Variants in MAPK15 observed in about 807,000 individuals in gnomAD.
MAPK15 encodes mitogen-activated protein kinase 15.
Under a neutral mutation model 60.8 loss-of-function variants are expected in MAPK15, and 61 were observed. The observed-to-expected ratio is 1.00, with a 90% CI of 0.82 to 1.24. The LOEUF is 1.24. MAPK15 is among the 50% of genes most tolerant of loss of function. The pLI, the probability that MAPK15 is intolerant of heterozygous loss-of-function variation, is 0.00. For synonymous variants in MAPK15, 356 were observed against 319.9 expected, an observed-to-expected ratio of 1.11 and a Z score of -1.21; for missense variants, 808 against 741.1, an observed-to-expected ratio of 1.09 and a Z score of -1.05.
chr8:143,721,865 G>A lies in MAPK15; in HGVS notation c.1443G>A (p.Val481=), dbSNP rs377362468. 4 of 1,595,910 alleles carry A rather than the reference G, an allele frequency of 2.5e-6. No homozygotes were observed. The highest frequency in any genetic ancestry group is 3.4e-6 in the Non-Finnish European group (4 of 1,172,272). ...GGAACCGGGGCGGTGGGGTGAGGGT[G>A]GCCAGCGTACAACAGGTAAGCCCGG... ...GDWNRGGGVR[V]ASVQQVPPRL... The change falls in exon 13 of 14, where the codon GTG becomes GTA. Residue 481 remains valine, a synonymous_variant. Coordinates refer to ENST00000338033, the MANE Select transcript of MAPK15 (RefSeq NM_139021.3).
intron 4 of MAPK15, 148 bp from the exon 5 acceptor site, chr8:143,718,627 A>G (rs1386629483): frequency 1.2e-5 from 8 of 687,232 alleles, no homozygotes; most frequent in Non-Finnish European, 2.0e-5. Context: ...CGCTGTGCCC[A>G]CAGGCAGTGC....
chr8:143,720,591 G>C lies in MAPK15; in HGVS notation c.780-112G>C. On this transcript the variant is annotated intron_variant, in intron 8 of 13. Transcript: ENST00000338033. This position sits in a 1 kb window ranked among gnomAD's most constrained non-coding sequence, Gnocchi z 4.6. ...GGTCAGGCACAGGGGCATCTACCTA[G>C]ACAGGACAGCAGGGTGGACCCCAGT... 1 of 1,504,376 alleles carries C rather than the reference G, an allele frequency of 6.6e-7. No homozygotes were observed. Among genetic ancestry groups the C allele is most frequent in the Non-Finnish European group, 8.9e-7 (1 of 1,122,560 alleles). The allele number at this position is 1,504,376 out of a possible 1,614,324, so 93.2% of individuals were successfully genotyped here. A position where few individuals can be genotyped will look rare whatever the true frequency, so the allele number is the denominator to read the frequency against.
chr8:143,720,643 C>T lies in MAPK15; in HGVS notation c.780-60C>T, dbSNP rs1460234546. ...TGGAAGCTGAGCCCCCAGCCACGAA[C>T]ATGGATCTGAGGAGGGGCCCTTGGG... is the stretch of plus-strand genomic sequence containing the variant. On this transcript the variant is annotated intron_variant, in intron 8 of 13. Coordinates refer to ENST00000338033, the MANE Select transcript of MAPK15 (RefSeq NM_139021.3). The surrounding 1 kb of genome is among the most constrained non-coding windows in gnomAD (Gnocchi z 4.6). 1.3e-5 allele frequency: 20 copies of T among 1,562,338 alleles called. No homozygotes were observed. The highest frequency in any genetic ancestry group is 1.9e-5 in the Admixed American group (1 of 51,324).
At chr8:143,719,184 C>A (rs1554619212) in intron 6 of MAPK15, 28 bp downstream of exon 6, 1 of 1,424,364 alleles carries the variant, frequency 7.0e-7, no homozygotes, top group African/African-American at 1.4e-5. Flanking sequence ...CCAACCCCCC[C>A]TCCACCTCCC....
At chr8:143,718,735 A>ACCCCCCCCCCCCCC in intron 4 of MAPK15, 40 bp from the exon 5 acceptor site, 1 of 110,032 alleles carries the variant, frequency 9.1e-6, no homozygotes, top group Non-Finnish European at 1.5e-5. Flanking sequence ...TTGCCCCCCC[A>ACCCCCCCCCCCCCC]GCCCCCCACC....
At position 143,722,084 on chromosome 8, in the gene MAPK15, C is replaced by T. The variant is rs782706794; in HGVS notation, c.1468C>T (p.Arg490Trp). The T allele has an allele frequency of 6.2e-5, 100 of 1,612,026 alleles. 1 individual carries two copies. In the Admixed American group the frequency reaches 1.2e-3, roughly 20 times the overall value. ...CCTCAACTGTACACAGGTCCCTCCC[C>T]GGCTTCCTCCGGAGGCCCGGCCCGG... ...RVASVQQVPP[R>W]LPPEARPGRR... Residue 490 changes from arginine to tryptophan, a missense_variant, in exon 14 of 14, where the codon CGG (arginine) becomes TGG (tryptophan). Arg to Trp is a moderately radical substitution (Grantham distance 101, BLOSUM62 -3). Coordinates refer to ENST00000338033, the MANE Select transcript of MAPK15 (RefSeq NM_139021.3).
chr8:143,718,264 A>G lies in MAPK15; in HGVS notation c.248A>G (p.Glu83Gly), dbSNP rs782709774. 1.2e-6 allele frequency: 2 copies of G among 1,614,160 alleles called. No individual in the cohort carries two copies. Among genetic ancestry groups the G allele is most frequent in the Non-Finnish European group, 1.7e-6 (2 of 1,180,030 alleles). ...AGCCTCCTTGACGTGATCCGGGCAG[A>G]GAACGACAGGGACATTTACCTGGTG... ...IISLLDVIRAENDRDIYLVFE... is the reference protein window; with the variant it reads ...IISLLDVIRAGNDRDIYLVFE... Residue 83 changes from glutamate (E) to glycine (G), a missense_variant, in exon 4 of 14, where the codon GAG becomes GGG. Glu to Gly is a moderately conservative substitution (Grantham distance 98). Coordinates refer to ENST00000338033, the MANE Select transcript of MAPK15 (RefSeq NM_139021.3).
At chr8:143,721,479 A>G in intron 11 of MAPK15, 68 bp downstream of exon 11, 2 of 1,611,888 alleles carry the variant, frequency 1.2e-6, no homozygotes, top group South Asian at 1.1e-5. Flanking sequence ...GCTGCCAACT[A>G]TGCGCAGCAT....
Position 143,721,857 on chromosome 8 carries a change from G to A in MAPK15, c.1435G>A (p.Val479Met). ...GGGTGACTGGAACCGGGGCGGTGGG[G>A]TGAGGGTGGCCAGCGTACAACAGGT... Reference protein sequence around the residue: ...IRGDWNRGGGVRVASVQQVPP... With the variant: ...IRGDWNRGGGMRVASVQQVPP... Residue 479 changes from valine to methionine, a missense_variant, in exon 13 of 14, where the codon GTG becomes ATG. Transcript: ENST00000338033. 6.2e-7 allele frequency: 1 copy of A among 1,601,262 alleles called. No homozygotes were observed. The highest frequency in any genetic ancestry group is 8.5e-7 in the Non-Finnish European group (1 of 1,174,384).
At position 143,720,695 on chromosome 8, in the gene MAPK15, G is replaced by C. The variant is rs1554619508; in HGVS notation, c.780-8G>C. ...CGGGCCCTGGAGACGACACACGGCA[G>C]CCCACAGGCCACGACAGACGCTGGA... On this transcript the variant is annotated splice_polypyrimidine_tract_variant and splice_region_variant and intron_variant, in intron 8 of 13. Transcript: ENST00000338033. The surrounding 1 kb of genome is among the most constrained non-coding windows in gnomAD (Gnocchi z 4.6). The C allele has an allele frequency of 6.2e-7, 1 of 1,608,734 alleles. No individual in the cohort carries two copies. The highest frequency in any genetic ancestry group is 2.2e-5 in the East Asian group (1 of 44,648).
At chr8:143,716,641 G>A (rs782168276) in intron 1 of MAPK15, among the ~76,000 whole-genome samples, 198 bp downstream of exon 1, 1 of 152,180 alleles carries the variant, frequency 6.6e-6, no homozygotes, top group South Asian at 2.1e-4. Flanking sequence ...CTGACTCCCA[G>A]GAACCTGGCT....
Position 143,720,364 on chromosome 8 carries a change from TG to T in MAPK15, c.779+81del, listed in dbSNP as rs763119851. The T allele has an allele frequency of 4.7e-6, 7 of 1,476,540 alleles. No homozygotes were observed. The highest frequency in any genetic ancestry group is 1.4e-5 in the African/African-American group (1 of 71,010). 91.5% of individuals were successfully genotyped at this position (1,476,540 alleles called of 1,614,324 possible). A position where few individuals can be genotyped will look rare whatever the true frequency, so the allele number is the denominator to read the frequency against. On this transcript the variant is annotated intron_variant, in intron 8 of 13. Coordinates refer to ENST00000338033, the MANE Select transcript of MAPK15 (RefSeq NM_139021.3). This position sits in a 1 kb window ranked among gnomAD's most constrained non-coding sequence, Gnocchi z 4.6. ...CAGGGCCACCTTCCTGCAAGTTTAC[TG>T]GGGCCAGTTTGTACCAGTTCAGATT...
chr8:143,718,363 G>C, intron 4 of MAPK15, 61 bp downstream of exon 4: 1 of 1,498,646 alleles, frequency 6.7e-7, no homozygotes, highest in Non-Finnish European at 9.3e-7. Flanking sequence ...CGCCGTCTGC[G>C]GGTCCCTCTG....
Position 143,716,475 on chromosome 8 carries a change from GGGGCGCGGCA to G in MAPK15, c.66+34_66+43del, listed in dbSNP as rs1554618377. On this transcript the variant is annotated intron_variant, in intron 1 of 13. Coordinates refer to ENST00000338033, the MANE Select transcript of MAPK15 (RefSeq NM_139021.3). ...GCCTGGGGGTGCGTCCGCGCGCCGAGGGGCGCGGCAGATCTGCGGAGAGAGGACCTGCGGG... is the reference window on the plus strand; with the variant it reads ...GCCTGGGGGTGCGTCCGCGCGCCGAGGATCTGCGGAGAGAGGACCTGCGGG... 6 of 1,587,202 alleles carry G rather than the reference GGGGCGCGGCA, an allele frequency of 3.8e-6. No individual in the cohort carries two copies. In the South Asian group the frequency reaches 6.8e-5, roughly 18 times the overall value.
chr8:143,717,425 C>T (rs1306531585), intron 1 of MAPK15, among the ~76,000 whole-genome samples: 3 of 152,110 alleles, frequency 2.0e-5, no homozygotes, highest in African/African-American at 7.2e-5. Context: ...GATGATAGGG[C>T]ATCCCCGAGC....
Position 143,720,949 on chromosome 8 carries a change from G to A in MAPK15, c.918-51G>A, listed in dbSNP as rs1818033576. The stretch of plus-strand genomic sequence containing the variant: ...AGCAGGGACCCTGCTGTGACGGCTT[G>A]AGGGGCTCCCTTGGCCGCAGCCCGG... On this transcript the variant is annotated intron_variant, in intron 9 of 13. Coordinates refer to ENST00000338033, the MANE Select transcript of MAPK15 (RefSeq NM_139021.3). This position sits in a 1 kb window ranked among gnomAD's most constrained non-coding sequence, Gnocchi z 4.6. 1 of 1,580,408 alleles carries A rather than the reference G, an allele frequency of 6.3e-7. No homozygotes were observed. The highest frequency in any genetic ancestry group is 1.3e-5 in the African/African-American group (1 of 74,218).
rs782492848 is a variant in MAPK15 at position 143,719,490 on chromosome 8, A to G, written c.721+8A>G. 1 of 1,604,414 alleles carries G rather than the reference A, an allele frequency of 6.2e-7. No individual in the cohort carries two copies. Among genetic ancestry groups the G allele is most frequent in the South Asian group, 1.1e-5 (1 of 90,008 alleles). On this transcript the variant is annotated splice_region_variant and intron_variant, in intron 7 of 13. Transcript: ENST00000338033. Reference sequence around the variant, plus strand: ...CACCGCCATCTGAGGAGGGTGAGCCAGGCTGCTGGGGCTGGGCACCGGGAA... The same window carrying G: ...CACCGCCATCTGAGGAGGGTGAGCCGGGCTGCTGGGGCTGGGCACCGGGAA...
At chr8:143,717,914 C>G in intron 2 of MAPK15, 122 bp downstream of exon 2, 3 of 1,499,654 alleles carry the variant, frequency 2.0e-6, no homozygotes, top group Middle Eastern at 3.7e-4. Flanking sequence ...TGGCCTGTCT[C>G]GGAACACTGC....
At chr8:143,721,436 A>C in intron 11 of MAPK15, 25 bp downstream of exon 11, 1 of 1,608,636 alleles carries the variant, frequency 6.2e-7, no homozygotes, top group Non-Finnish European at 8.5e-7. Context: ...CTGGCCGCCC[A>C]CGCGGAGCAC....
Sources: allele counts gnomAD v4.1 joint callset (sites outside exome capture counted in the v4.1 genomes callset), GRCh38; gene constraint gnomAD v4.1.1; non-coding constraint Gnocchi (gnomAD v3.1); transcripts MANE v1.5; gene names NCBI Gene and HGNC (gene_info 2026-07-23, HGNC 2026-07-21).